The following KCNH8 variants were observed in gnomAD, a reference collection of about 807,000 sequenced individuals.
The protein encoded by KCNH8 is potassium voltage-gated channel subfamily H member 8, also known as voltage-gated delayed rectifier potassium channel KCNH8.
Under a neutral mutation model 103.6 loss-of-function variants are expected in KCNH8, and 70 were observed. That is an observed-to-expected ratio of 0.68 (90% CI 0.56 to 0.82). KCNH8 has a LOEUF of 0.82. Ranked by LOEUF, KCNH8 falls within the 40% of genes least tolerant of loss-of-function variation. KCNH8 has a pLI of 0.00. For synonymous variants in KCNH8, 498 were observed against 489.4 expected (o/e 1.02, Z -0.23); for missense variants, 1,217 against 1,329.9 (o/e 0.92, Z 1.32).
intron 1 of KCNH8, among the ~76,000 whole-genome samples, chr3:19,239,961 T>C (rs2064117425): frequency 6.6e-6 from 1 of 152,166 alleles, no homozygotes; most frequent in Non-Finnish European, 1.5e-5. Context: ...GCATATTCAG[T>C]ATCACAACCA....
intron 3 of KCNH8, among the ~76,000 whole-genome samples, chr3:19,337,689 C>G (rs2065602255): frequency 6.6e-6 from 1 of 152,034 alleles, no homozygotes; most frequent in Non-Finnish European, 1.5e-5. Flanking sequence ...CAGCTTTGCT[C>G]CATGTCTACT....
At chr3:19,300,251 A>T (rs933913164) in intron 3 of KCNH8, among the ~76,000 whole-genome samples, 4 of 139,172 alleles carry the variant, frequency 2.9e-5, no homozygotes, top group African/African-American at 7.6e-5. Context: ...TCTGTCTATA[A>T]AAAAAAAAAA....
intron 1 of KCNH8, among the ~76,000 whole-genome samples, chr3:19,184,122 G>T (rs1296599896): frequency 6.6e-6 from 1 of 151,968 alleles, no homozygotes; most frequent in Non-Finnish European, 1.5e-5. Flanking sequence ...TACACAAGAA[G>T]ATATGTTCAG....
At chr3:19,285,004 T>C (rs1365973146) in intron 3 of KCNH8, among the ~76,000 whole-genome samples, 1 of 151,734 alleles carries the variant, frequency 6.6e-6, no homozygotes, top group African/African-American at 2.4e-5. Context: ...AGGTCCTCGA[T>C]GGTGGGGAAG....
chr3:19,219,302 C>T (rs998365363), intron 1 of KCNH8, among the ~76,000 whole-genome samples: 1 of 152,168 alleles, frequency 6.6e-6, no homozygotes, highest in Non-Finnish European at 1.5e-5. Context: ...TCCTCATACC[C>T]CTCAAACTCT....
chr3:19,228,608 A>T (rs534043900), intron 1 of KCNH8, among the ~76,000 whole-genome samples: 1 of 152,352 alleles, frequency 6.6e-6, no homozygotes, highest in East Asian at 1.9e-4. Context: ...TACTCACAGC[A>T]TTGCTAGTTC....
chr3:19,172,127 C>G (rs1265085782), intron 1 of KCNH8, among the ~76,000 whole-genome samples: 1 of 152,184 alleles, frequency 6.6e-6, no homozygotes, highest in African/African-American at 2.4e-5. Context: ...TGACTACCTT[C>G]CTGGGTTGTA....
intron 7 of KCNH8, among the ~76,000 whole-genome samples, chr3:19,437,838 C>T (rs1262400182): frequency 6.6e-6 from 1 of 152,130 alleles, no homozygotes; most frequent in African/African-American, 2.4e-5. Flanking sequence ...CTTAACAGGG[C>T]AAGTGAAATA....
intron 1 of KCNH8, among the ~76,000 whole-genome samples, chr3:19,223,497 CCT>C (rs1239754374): frequency 1.3e-5 from 2 of 151,894 alleles, no homozygotes; most frequent in Non-Finnish European, 2.9e-5. Flanking sequence ...CAACGGTTTT[CCT>C]CTCTTTTTAA....
At chr3:19,362,480 A>G (rs2065959371) in intron 5 of KCNH8, among the ~76,000 whole-genome samples, 1 of 152,130 alleles carries the variant, frequency 6.6e-6, no homozygotes, top group African/African-American at 2.4e-5. Flanking sequence ...ATATGGGGAA[A>G]GCACCTGTCT....
chr3:19,295,696 A>C (rs1182138450), intron 3 of KCNH8, among the ~76,000 whole-genome samples: 1 of 152,082 alleles, frequency 6.6e-6, no homozygotes, highest in Non-Finnish European at 1.5e-5. Context: ...GAATGGCAGA[A>C]AATACTGTGG....
At chr3:19,172,485 A>T (rs910018713) in intron 1 of KCNH8, among the ~76,000 whole-genome samples, 1 of 152,154 alleles carries the variant, frequency 6.6e-6, no homozygotes, top group African/African-American at 2.4e-5. Flanking sequence ...GACTTTATAA[A>T]ACTCCTTGAT....
At chr3:19,151,489 AAACTGCCTTGCTAATGTACCC>A (rs1241816346) in intron 1 of KCNH8, among the ~76,000 whole-genome samples, 2 of 152,154 alleles carry the variant, frequency 1.3e-5, no homozygotes, top group African/African-American at 2.4e-5. Flanking sequence ...CAACCCTGGC[AAACTGCCTTGCTAATGTACCC>A]AACATGCAGT....
At chr3:19,260,547 C>A (rs2064420535) in intron 2 of KCNH8, among the ~76,000 whole-genome samples, 1 of 114,674 alleles carries the variant, frequency 8.7e-6, no homozygotes, top group African/African-American at 3.2e-5. Flanking sequence ...AAAATGGTTA[C>A]TGGGTGGAAC....
At chr3:19,254,809 T>C (rs2064326652) in intron 2 of KCNH8, among the ~76,000 whole-genome samples, 1 of 152,174 alleles carries the variant, frequency 6.6e-6, no homozygotes, top group African/African-American at 2.4e-5. Context: ...TTTCCCAGCA[T>C]TCTTTGTAAT....
At chr3:19,315,942 A>G (rs540041306) in intron 3 of KCNH8, among the ~76,000 whole-genome samples, 223 of 152,164 alleles carry the variant, frequency 1.5e-3, no homozygotes, top group Non-Finnish European at 2.6e-3. Flanking sequence ...CTTGACAAAC[A>G]TGACTGGAGA....
intron 11 of KCNH8, among the ~76,000 whole-genome samples, chr3:19,483,982 TTTAC>T (rs1159152931): frequency 6.6e-6 from 1 of 152,152 alleles, no homozygotes; most frequent in Admixed American, 6.5e-5. Flanking sequence ...TTATGACAAA[TTTAC>T]TTACTTTTGG....
intron 7 of KCNH8, among the ~76,000 whole-genome samples, chr3:19,430,460 A>G (rs977412074): frequency 5.3e-5 from 8 of 151,864 alleles, no homozygotes; most frequent in African/African-American, 1.9e-4. Flanking sequence ...TGTCTTGGCT[A>G]TTCAGGCCCT....
At chr3:19,235,643 A>G (rs911796979) in intron 1 of KCNH8, among the ~76,000 whole-genome samples, 2 of 152,216 alleles carry the variant, frequency 1.3e-5, no homozygotes, top group African/African-American at 2.4e-5. Context: ...ATGATCATCT[A>G]TGTAAGTCTG....
Sources: gnomAD v4.1 joint callset for allele counts (sites outside exome capture counted in the v4.1 genomes callset) on GRCh38, gnomAD v4.1.1 for gene constraint, MANE v1.5 for transcripts, NCBI Gene and HGNC (gene_info 2026-07-23, HGNC 2026-07-21) for gene names.